Variants in PNLDC1 observed in about 807,000 individuals in gnomAD.
The protein encoded by PNLDC1 is poly(A)-specific ribonuclease PNLDC1.
In PNLDC1, 70 loss-of-function variants were observed where a neutral mutation model predicts 82.0. The ratio of observed to expected loss-of-function variants is 0.85; its 90% confidence interval spans 0.70 to 1.04. The LOEUF is 1.04. Among genes scored for constraint, PNLDC1 ranks in the 50% least tolerant of loss-of-function variants. The probability of loss-of-function intolerance (pLI) is 0.00; values close to 1 mark genes in which losing one functional copy is unlikely to be tolerated. For synonymous variants in PNLDC1, 280 were observed against 249.3 expected (o/e 1.12, Z -1.16); for missense variants, 631 against 661.1 (o/e 0.95, Z 0.50).
At position 159,820,527 on chromosome 6, in the gene PNLDC1, G is replaced by A. The variant is rs1329638930; in HGVS notation, c.*10G>A. On this transcript the variant is annotated 3_prime_UTR_variant, in exon 19 of 19. Coordinates refer to ENST00000392167, the MANE Select transcript of PNLDC1 (RefSeq NM_001271862.2). Reference sequence around the variant, plus strand: ...AAGATCTGGTACCTGAGTGCAGCGAGGCCTCCTGCGGCCACCCTCGGGTCC... The same window carrying A: ...AAGATCTGGTACCTGAGTGCAGCGAAGCCTCCTGCGGCCACCCTCGGGTCC... 6.2e-7 allele frequency: 1 copy of A among 1,613,782 alleles called. No homozygotes were observed. Among genetic ancestry groups the A allele is most frequent in the Non-Finnish European group, 8.5e-7 (1 of 1,179,928 alleles).
intron 7 of PNLDC1, among the ~76,000 whole-genome samples, 156 bp from the exon 8 acceptor site, chr6:159,808,584 C>T (rs1231675003): frequency 6.6e-6 from 1 of 151,668 alleles, no homozygotes; most frequent in African/African-American, 2.4e-5. Flanking sequence ...TCATGACAGG[C>T]CAGGCCCTGC....
In PNLDC1 at chr6:159,819,172, ATC is replaced by A; in HGVS notation, c.1433+57_1433+58del. ...CCACCCCTCGTGCGTTCATCCCTGT[ATC>A]TCTCTGACTCCACCCGCCTGATCAC... is the stretch of plus-strand genomic sequence containing the variant. On this transcript the variant is annotated intron_variant, in intron 17 of 18. Transcript: ENST00000392167. This position sits in a 1 kb window ranked among gnomAD's most constrained non-coding sequence, Gnocchi z 4.6. The A allele has an allele frequency of 1.2e-6, 2 of 1,609,722 alleles. No homozygotes were observed. The highest frequency in any genetic ancestry group is 1.7e-6 in the Non-Finnish European group (2 of 1,176,968).
Position 159,806,003 on chromosome 6 carries a change from T to A in PNLDC1, c.482T>A (p.Ile161Asn). The A allele has an allele frequency of 6.2e-7, 1 of 1,614,162 alleles. No individual in the cohort carries two copies. The highest frequency in any genetic ancestry group is 8.5e-7 in the Non-Finnish European group (1 of 1,180,002). The stretch of plus-strand genomic sequence containing the variant: ...TTCAGCTCTCCGGATAAAGACCAAA[T>A]CAAGGTGGTGATTGACGAAGTGACG... Reference protein sequence around the residue: ...RVRSSPDKDQIKVVIDEVTRW... With the variant: ...RVRSSPDKDQNKVVIDEVTRW... The change falls in exon 7 of 19, where the codon ATC becomes AAC. Residue 161 changes from isoleucine to asparagine, a missense_variant. By Grantham distance (149) the Ile-to-Asn change is moderately radical. Coordinates refer to ENST00000392167, the MANE Select transcript of PNLDC1 (RefSeq NM_001271862.2).
intron 15 of PNLDC1, 95 bp from the exon 16 acceptor site, chr6:159,818,460 T>C (rs1410089081): frequency 3.6e-6 from 4 of 1,107,698 alleles, no homozygotes; most frequent in African/African-American, 3.1e-5. Flanking sequence ...TCCGAGGGAG[T>C]GTCCTTCTGT....
rs973711880 is a variant in PNLDC1, at chr6:159,803,415, C to T, written c.248+105C>T. 3.1e-6 allele frequency: 3 copies of T among 975,472 alleles called. No homozygotes were observed. The African/African-American group carries it at 4.8e-5, about 16-fold the overall frequency. 60.4% of individuals were successfully genotyped at this position (975,472 alleles called of 1,614,324 possible). ...TGCCCCGATCACTTTTGCCCTGGAT[C>T]TTCCGTATTCTCTCCTGTGTCTGTT... is the stretch of plus-strand genomic sequence containing the variant. On this transcript the variant is annotated intron_variant, in intron 4 of 18. Coordinates refer to ENST00000392167, the MANE Select transcript of PNLDC1 (RefSeq NM_001271862.2).
intron 10 of PNLDC1, 68 bp from the exon 11 acceptor site, chr6:159,811,633 A>G: frequency 2.3e-6 from 3 of 1,299,292 alleles, no homozygotes; most frequent in Non-Finnish European, 3.3e-6. Flanking sequence ...AGCTAGGTTC[A>G]AGAATGTTCC....
rs114202136 is a variant in PNLDC1 at position 159,819,933 on chromosome 6, G to A, written c.1533-521G>A. ...GGCTTCTCTCAGGAGAGAGGGAATC[G>A]CGGAAGTTACAGCAAGAAGGTCTAT... On this transcript the variant is annotated intron_variant, in intron 18 of 18. Coordinates refer to ENST00000392167, the MANE Select transcript of PNLDC1 (RefSeq NM_001271862.2). This position sits in a 1 kb window ranked among gnomAD's most constrained non-coding sequence, Gnocchi z 4.6. Among the ~76,000 whole-genome samples, 19 of 152,242 alleles carry A rather than the reference G, an allele frequency of 1.2e-4. No homozygotes were observed. The highest frequency in any genetic ancestry group is 8.3e-4 in the South Asian group (4 of 4,818).
At position 159,814,962 on chromosome 6, in the gene PNLDC1, C is replaced by T. The variant is rs551503531; in HGVS notation, c.996-1007C>T. Among the ~76,000 whole-genome samples, 26 of 152,270 alleles carry T rather than the reference C, an allele frequency of 1.7e-4. No individual in the cohort carries two copies. The South Asian group carries it at 1.9e-3, about 11-fold the overall frequency. ...GCTCATGGCACACCCACGACGACGACGCCTGTTTTACAGATGGGGACATTA... is the reference window on the plus strand; with the variant it reads ...GCTCATGGCACACCCACGACGACGATGCCTGTTTTACAGATGGGGACATTA... On this transcript the variant is annotated intron_variant, in intron 12 of 18. Transcript: ENST00000392167.
chr6:159,804,697 G>T (rs1051111171), intron 6 of PNLDC1, 60 bp downstream of exon 6: 3 of 1,295,372 alleles, frequency 2.3e-6, no homozygotes, highest in Admixed American at 3.6e-5. Flanking sequence ...TGCATTTCCC[G>T]TGGGCGGGCG....
chr6:159,800,205 T>C, upstream of PNLDC1: 7 of 1,165,988 alleles, frequency 6.0e-6, no homozygotes, highest in South Asian at 7.7e-5. Flanking sequence ...CTGCCTGGTT[T>C]CCATGTGTGC....
In PNLDC1 at chr6:159,819,932, C is replaced by T. The variant is rs892166504; in HGVS notation, c.1533-522C>T. On this transcript the variant is annotated intron_variant, in intron 18 of 18. Transcript: ENST00000392167. The surrounding 1 kb of genome is among the most constrained non-coding windows in gnomAD (Gnocchi z 4.6). ...GGGCTTCTCTCAGGAGAGAGGGAAT[C>T]GCGGAAGTTACAGCAAGAAGGTCTA... Among the ~76,000 whole-genome samples the T allele has an allele frequency of 2.0e-5, 3 of 152,064 alleles. No homozygotes were observed. The highest frequency in any genetic ancestry group is 4.4e-5 in the Non-Finnish European group (3 of 68,004).
chr6:159,816,788 A>C (rs543077810), intron 14 of PNLDC1, among the ~76,000 whole-genome samples, 192 bp downstream of exon 14: 1 of 152,060 alleles, frequency 6.6e-6, no homozygotes, highest in Non-Finnish European at 1.5e-5. Context: ...GCATGCCACC[A>C]TGCCTGGCTG....
chr6:159,803,441 C>G, intron 4 of PNLDC1, 131 bp downstream of exon 4: 1 of 766,590 alleles, frequency 1.3e-6, no homozygotes, highest in Non-Finnish European at 2.2e-6. Flanking sequence ...TGTGTCTGTT[C>G]CTCCACTCAC....
At chr6:159,804,661 C>T in intron 6 of PNLDC1, 24 bp downstream of exon 6, 1 of 1,537,284 alleles carries the variant, frequency 6.5e-7, no homozygotes, top group Non-Finnish European at 9.0e-7. Flanking sequence ...CTCCAGGTGC[C>T]TTTTTGTTTC....
intron 13 of PNLDC1, 63 bp from the exon 14 acceptor site, chr6:159,816,480 T>A: frequency 6.8e-7 from 1 of 1,466,858 alleles, no homozygotes; most frequent in Non-Finnish European, 9.6e-7. Context: ...GATGGTGAGC[T>A]AGGATGGGGC....
intron 1 of PNLDC1, 76 bp downstream of exon 1, chr6:159,800,459 A>C: frequency 6.7e-7 from 1 of 1,482,042 alleles, no homozygotes; most frequent in Non-Finnish European, 9.1e-7. Context: ...GGGTGGCGGG[A>C]CGGTTGCCAG....
Position 159,820,671 on chromosome 6 carries a change from A to G in PNLDC1, c.*154A>G. On this transcript the variant is annotated 3_prime_UTR_variant, in exon 19 of 19. Coordinates refer to ENST00000392167, the MANE Select transcript of PNLDC1 (RefSeq NM_001271862.2). ...GTCCTGAACGTGAAATTCTGTCAACACTCTCAATGATAAATCAGTCCTTAG... is the reference window on the plus strand; with the variant it reads ...GTCCTGAACGTGAAATTCTGTCAACGCTCTCAATGATAAATCAGTCCTTAG... The G allele has an allele frequency of 1.5e-6, 1 of 687,458 alleles. No individual in the cohort carries two copies. Among genetic ancestry groups the G allele is most frequent in the Non-Finnish European group, 2.5e-6 (1 of 393,822 alleles). 42.6% of individuals were successfully genotyped at this position (687,458 alleles called of 1,614,324 possible).
intron 12 of PNLDC1, among the ~76,000 whole-genome samples, chr6:159,813,877 C>T (rs962167086): frequency 2.6e-5 from 4 of 152,186 alleles, no homozygotes; most frequent in Non-Finnish European, 5.9e-5. Context: ...ATCTCTCAAC[C>T]CCTGCCCCTC....
intron 9 of PNLDC1, among the ~76,000 whole-genome samples, chr6:159,809,795 A>G (rs1310405829): frequency 6.6e-6 from 1 of 152,218 alleles, no homozygotes; most frequent in Admixed American, 6.5e-5. Context: ...TTTCCAGCGC[A>G]GACCCTGCCT....
Sources: gnomAD v4.1 joint callset for allele counts (sites outside exome capture counted in the v4.1 genomes callset) on GRCh38, gnomAD v4.1.1 for gene constraint, Gnocchi (gnomAD v3.1) non-coding constraint, MANE v1.5 for transcripts, NCBI Gene and HGNC (gene_info 2026-07-23, HGNC 2026-07-21) for gene names.